ZNF850: variants seen among roughly 807,000 people sequenced by gnomAD.
The protein encoded by ZNF850 is putative zinc finger protein ENSP00000330994.
Under a neutral mutation model 11.9 loss-of-function variants are expected in ZNF850, and 2 were observed. The ratio of observed to expected loss-of-function variants is 0.17; its 90% CI spans 0.07 to 0.53. ZNF850 has a LOEUF of 0.53. ZNF850 is among the 20% of genes least tolerant of loss of function. The pLI, the probability that ZNF850 is intolerant of heterozygous loss-of-function variation, is 0.94. For synonymous variants in ZNF850, 381 were observed against 443.0 expected (o/e 0.86, Z 1.76); for missense variants, 1,014 against 1,316.4 (o/e 0.77, Z 3.55).
At chr19:36,752,147 TA>T (rs1382934900) in intron 4 of ZNF850, among the ~76,000 whole-genome samples, 1 of 152,160 alleles carries the variant, frequency 6.6e-6, no homozygotes, top group Admixed American at 6.5e-5. Flanking sequence ...TCATGATTTT[TA>T]AAAAATACTA....
intron 1 of ZNF850, among the ~76,000 whole-genome samples, 198 bp downstream of exon 1, chr19:36,772,527 C>T (rs1472028897): frequency 6.6e-6 from 1 of 152,144 alleles, no homozygotes; most frequent in African/African-American, 2.4e-5. Flanking sequence ...CACATCCGCA[C>T]GCACAACGAG....
At chr19:36,751,581 T>G (rs1454975362) in intron 4 of ZNF850, among the ~76,000 whole-genome samples, 1 of 150,056 alleles carries the variant, frequency 6.7e-6, no homozygotes, top group African/African-American at 2.5e-5. Context: ...GCCTGTAATC[T>G]CAGCTACTCG....
chr19:36,750,055 G>C lies in ZNF850; in HGVS notation c.985C>G (p.Gln329Glu), dbSNP rs2040442969. 2 of 1,540,364 alleles carry C rather than the reference G, an allele frequency of 1.3e-6. No homozygotes were observed. The highest frequency in any genetic ancestry group is 3.9e-5 in the Admixed American group (2 of 51,002). Residue 329 changes from glutamine to glutamate, a missense_variant, in exon 5 of 5, where the codon CAA becomes GAA. Transcript: ENST00000591344. ...TVGSTLIRHQ[Q>E]IHTGEKPYDC... ...TACGGTTTCTCACCAGTGTGAATTT[G>C]CTGGTGTCGAATTAGTGTTGAGCCA...
At chr19:36,763,682 A>G (rs1460998516) in intron 1 of ZNF850, among the ~76,000 whole-genome samples, 3 of 152,208 alleles carry the variant, frequency 2.0e-5, no homozygotes, top group Non-Finnish European at 4.4e-5. Context: ...TAATCACAGC[A>G]CTTTGGGAGG....
intron 1 of ZNF850, among the ~76,000 whole-genome samples, chr19:36,765,507 T>C (rs190455800): frequency 6.6e-6 from 1 of 152,302 alleles, no homozygotes; most frequent in African/African-American, 2.4e-5. Context: ...GTAAATGTTT[T>C]TCGTATTAAA....
chr19:36,770,808 G>C (rs1233527678), intron 1 of ZNF850, among the ~76,000 whole-genome samples: 1 of 142,758 alleles, frequency 7.0e-6, no homozygotes, highest in African/African-American at 2.5e-5. Context: ...GACCAAATCT[G>C]TATTTGAGAA....
chr19:36,772,303 C>G (rs1674943495), intron 1 of ZNF850, among the ~76,000 whole-genome samples: 2 of 152,182 alleles, frequency 1.3e-5, no homozygotes. Flanking sequence ...AGGGGACACA[C>G]AAAGTCCCAA....
At chr19:36,757,825 C>G (rs1568736793) in intron 4 of ZNF850, among the ~76,000 whole-genome samples, 1 of 151,692 alleles carries the variant, frequency 6.6e-6, no homozygotes, top group East Asian at 1.9e-4. Flanking sequence ...CTGCGCCCAG[C>G]CTCTTTTTCT....
intron 1 of ZNF850, among the ~76,000 whole-genome samples, chr19:36,764,560 G>C (rs1263796021): frequency 2.6e-5 from 4 of 152,062 alleles, no homozygotes; most frequent in African/African-American, 4.8e-5. Flanking sequence ...TACATAGAAG[G>C]CATTTTCCAA....
chr19:36,754,759 C>G (rs557577714), intron 4 of ZNF850, among the ~76,000 whole-genome samples: 56 of 151,968 alleles, frequency 3.7e-4, no homozygotes, highest in Non-Finnish European at 7.4e-4. Flanking sequence ...GTTTCACCAT[C>G]TTGACCAGCC....
rs2040409929 is a variant in ZNF850, at chr19:36,746,072, T to C, written c.*1695A>G. ...TTATCTGTCTAGGAATGCAGTCCAG[T>C]AGGTTTCAGTGTTACTTTACACAGC... On this transcript the variant is annotated 3_prime_UTR_variant, in exon 5 of 5. Coordinates refer to ENST00000591344, the MANE Select transcript of ZNF850 (RefSeq NM_001193552.2). 1 of 152,228 alleles carries C rather than the reference T, an allele frequency of 6.6e-6. No individual in the cohort carries two copies. The highest frequency in any genetic ancestry group is 1.5e-5 in the Non-Finnish European group (1 of 68,064). 9.4% of individuals were successfully genotyped at this position (152,228 alleles called of 1,614,324 possible). A position where few individuals can be genotyped will look rare whatever the true frequency, so the allele number is the denominator to read the frequency against.
chr19:36,751,637 G>C (rs1314082759), intron 4 of ZNF850, among the ~76,000 whole-genome samples: 1 of 133,962 alleles, frequency 7.5e-6, no homozygotes, highest in Non-Finnish European at 1.5e-5. Context: ...GGCTGAGGTT[G>C]CAGTGAGCCA....
Position 36,748,353 on chromosome 19 carries a change from G to C in ZNF850, c.2687C>G (p.Pro896Arg). The part of the protein sequence containing the change: ...QHRRIHTGEK[P>R]YDCKECGKAF... ...CTTGCCACATTCCTTACAATCATAG[G>C]GTTTCTCACCAGTGTGAATTCGCCG... The change falls in exon 5 of 5, where the codon CCC becomes CGC. Residue 896 changes from proline (P) to arginine (R), a missense_variant. By Grantham distance (103) the Pro-to-Arg change is moderately radical. Around this residue, in one of 2 missense-constraint regions of ZNF850, gnomAD observed 179 missense variants for 294.4 expected, o/e 0.61. Coordinates refer to ENST00000591344, the MANE Select transcript of ZNF850 (RefSeq NM_001193552.2). The C allele has an allele frequency of 6.4e-7, 1 of 1,570,364 alleles. No individual in the cohort carries two copies. The highest frequency in any genetic ancestry group is 8.6e-7 in the Non-Finnish European group (1 of 1,158,992).
At chr19:36,753,060 A>T (rs1462832456) in intron 4 of ZNF850, among the ~76,000 whole-genome samples, 1 of 151,996 alleles carries the variant, frequency 6.6e-6, no homozygotes, top group Non-Finnish European at 1.5e-5. Flanking sequence ...ACCTGAGGTC[A>T]GGAATTCAAG....
chr19:36,755,401 A>AT (rs1355706348), intron 4 of ZNF850, among the ~76,000 whole-genome samples: 1 of 151,906 alleles, frequency 6.6e-6, no homozygotes, highest in African/African-American at 2.4e-5. Flanking sequence ...TAATTTTTGT[A>AT]TTTTTAGTAC....
chr19:36,753,043 G>A (rs1395898090), intron 4 of ZNF850, among the ~76,000 whole-genome samples: 3 of 152,048 alleles, frequency 2.0e-5, no homozygotes, highest in Admixed American at 1.3e-4. Context: ...TCTGAGGCAG[G>A]TGGATCACCT....
intron 4 of ZNF850, among the ~76,000 whole-genome samples, chr19:36,754,282 A>G (rs1362719667): frequency 8.5e-5 from 13 of 152,156 alleles, no homozygotes; most frequent in Non-Finnish European, 1.9e-4. Flanking sequence ...ACATGAGGAC[A>G]CAAAAAAGTT....
chr19:36,769,355 C>T lies in ZNF850; in HGVS notation c.-70+3370G>A, dbSNP rs553711927. 6.6e-5 allele frequency among the ~76,000 whole-genome samples: 10 copies of T among 151,024 alleles called. No individual in the cohort carries two copies. The East Asian group carries it at 1.4e-3, about 21-fold the overall frequency. On this transcript the variant is annotated intron_variant, in intron 1 of 4. Coordinates refer to ENST00000591344, the MANE Select transcript of ZNF850 (RefSeq NM_001193552.2). ...GCAGCTCAGGCCTGTAATCCTAGCA[C>T]TTTGGAGGCAGAGGTAGGAGGATCA...
chr19:36,752,563 G>A (rs2040460130), intron 4 of ZNF850, among the ~76,000 whole-genome samples: 1 of 152,156 alleles, frequency 6.6e-6, no homozygotes, highest in Non-Finnish European at 1.5e-5. Flanking sequence ...GGGATGAGAT[G>A]AGGAATGGCT....
Sources: gnomAD v4.1 joint callset for allele counts (sites outside exome capture counted in the v4.1 genomes callset) on GRCh38, gnomAD v4.1.1 for gene constraint, gnomAD v4.1.1 regional missense constraint, MANE v1.5 for transcripts, NCBI Gene and HGNC (gene_info 2026-07-23, HGNC 2026-07-21) for gene names.